SRCAP: variants seen among roughly 807,000 people sequenced by gnomAD.
The protein encoded by SRCAP is Snf2 related CREBBP activator protein, also known as chromatin remodeling protein SRCAP.
Under a neutral mutation model 263.1 loss-of-function variants are expected in SRCAP, and 46 were observed. That is an observed-to-expected ratio of 0.17 (90% CI 0.14 to 0.22). The LOEUF (loss-of-function observed/expected upper bound fraction) is 0.22, where lower values mean the gene tolerates loss of function less well. SRCAP is among the 10% of genes least tolerant of loss of function. The probability of loss-of-function intolerance (pLI) is 1.00; values close to 1 mark genes in which losing one functional copy is unlikely to be tolerated. For synonymous variants in SRCAP, 1,813 were observed against 1,662.1 expected, an observed-to-expected ratio of 1.09 and a Z score of -2.21; for missense variants, 3,695 against 4,181.9, an observed-to-expected ratio of 0.88 and a Z score of 3.21.
chr16:30,700,841 C>T lies in SRCAP; in HGVS notation c.17C>T (p.Ser6Phe). MQSSPSPAHPQLPVLQ... is the reference protein window; with the variant it reads MQSSPFPAHPQLPVLQ... ...AGTGGGACCATGCAGAGCAGCCCCT[C>T]CCCTGCTCACCCTCAGCTCCCAGTC... The change falls in exon 3 of 34, where the codon TCC (serine) becomes TTC (phenylalanine). Residue 6 changes from serine (S) to phenylalanine (F), a missense_variant. Physicochemically the swap from Ser to Phe is radical, Grantham distance 155. This residue lies in a region of SRCAP where 122 missense variants were observed against 116.9 expected (regional missense o/e 1.04). Transcript: ENST00000262518. 2 of 1,614,166 alleles carry T rather than the reference C, an allele frequency of 1.2e-6. No individual in the cohort carries two copies. Among genetic ancestry groups the T allele is most frequent in the Non-Finnish European group, 8.5e-7 (1 of 1,179,990 alleles).
Position 30,729,589 on chromosome 16 carries a change from G to T in SRCAP, c.6127+17G>T. 4.3e-6 allele frequency: 7 copies of T among 1,613,322 alleles called. No homozygotes were observed. Among genetic ancestry groups the T allele is most frequent in the Non-Finnish European group, 5.9e-6 (7 of 1,179,308 alleles). On this transcript the variant is annotated intron_variant, in intron 27 of 33. Coordinates refer to ENST00000262518, the MANE Select transcript of SRCAP (RefSeq NM_006662.3). Reference sequence around the variant, plus strand: ...ATGATTGCGGTGAGTTTGTTGGCCAGTGTAGGACCCTTGACTTCTCTTCTT... The same window carrying T: ...ATGATTGCGGTGAGTTTGTTGGCCATTGTAGGACCCTTGACTTCTCTTCTT...
At chr16:30,736,430 C>G in intron 32 of SRCAP, 36 bp downstream of exon 32, 1 of 1,603,972 alleles carries the variant, frequency 6.2e-7, no homozygotes, top group Non-Finnish European at 8.5e-7. Context: ...GACTTTACTG[C>G]TTCCCCTGGG....
Position 30,712,299 on chromosome 16 carries a change from T to C in SRCAP, c.1853T>C (p.Leu618Pro). Residue 618 changes from leucine to proline, a missense_variant, in exon 13 of 34, where the codon CTC becomes CCC. This residue lies in a region of SRCAP where 121 missense variants were observed against 330.7 expected (regional missense o/e 0.37). Coordinates refer to ENST00000262518, the MANE Select transcript of SRCAP (RefSeq NM_006662.3). Reference sequence around the variant, plus strand: ...ATTCCCCTGCTTCTGCGGGGCCAGCTCCGGGAGTACCAGCACATTGGGCTA... The same window carrying C: ...ATTCCCCTGCTTCTGCGGGGCCAGCCCCGGGAGTACCAGCACATTGGGCTA... Reference protein sequence around the residue: ...TPIPLLLRGQLREYQHIGLDW... With the variant: ...TPIPLLLRGQPREYQHIGLDW... 1 of 1,605,514 alleles carries C rather than the reference T, an allele frequency of 6.2e-7. No homozygotes were observed. The highest frequency in any genetic ancestry group is 8.5e-7 in the Non-Finnish European group (1 of 1,176,394).
intron 3 of SRCAP, among the ~76,000 whole-genome samples, chr16:30,702,128 G>T (rs978590750): frequency 4.0e-5 from 6 of 149,380 alleles, no homozygotes; most frequent in African/African-American, 1.5e-4. Context: ...TAATTTTTGT[G>T]TTTTTAGTAG....
intron 5 of SRCAP, 78 bp from the exon 6 acceptor site, chr16:30,707,494 G>T (rs2052840759): frequency 6.2e-7 from 1 of 1,605,394 alleles, no homozygotes; most frequent in East Asian, 2.2e-5. Flanking sequence ...CAGATTTCTT[G>T]GCCTTGATTA....
At position 30,734,624 on chromosome 16, in the gene SRCAP, A is replaced by G. The variant is rs936176790; in HGVS notation, c.6729+9A>G. The G allele has an allele frequency of 6.2e-7, 1 of 1,614,010 alleles. No individual in the cohort carries two copies. The highest frequency in any genetic ancestry group is 8.5e-7 in the Non-Finnish European group (1 of 1,179,930). On this transcript the variant is annotated intron_variant, in intron 31 of 33. Coordinates refer to ENST00000262518, the MANE Select transcript of SRCAP (RefSeq NM_006662.3). Reference sequence around the variant, plus strand: ...CTCATATTCTGGAGCAGGTAAAAAAAGAGTGGGCAGTTCGTAAAGTTGAGC... The same window carrying G: ...CTCATATTCTGGAGCAGGTAAAAAAGGAGTGGGCAGTTCGTAAAGTTGAGC...
intron 3 of SRCAP, among the ~76,000 whole-genome samples, chr16:30,702,908 AC>A (rs2052784672): frequency 6.6e-6 from 1 of 151,858 alleles, no homozygotes; most frequent in Non-Finnish European, 1.5e-5. Context: ...CTTTTGCAGT[AC>A]CTTGTAAAGT....
At chr16:30,723,335 C>T (rs1278271088) in intron 24 of SRCAP, 106 bp downstream of exon 24, 1 of 1,473,634 alleles carries the variant, frequency 6.8e-7, no homozygotes, top group Non-Finnish European at 9.0e-7. Context: ...TATCAGCGTA[C>T]TGCCTTGATT....
At position 30,709,709 on chromosome 16, in the gene SRCAP, C is replaced by A; in HGVS notation, c.830C>A (p.Pro277His). 6.2e-7 allele frequency: 1 copy of A among 1,614,194 alleles called. No individual in the cohort carries two copies. Among genetic ancestry groups the A allele is most frequent in the Non-Finnish European group, 8.5e-7 (1 of 1,180,048 alleles). Residue 277 changes from proline to histidine, a missense_variant, in exon 7 of 34, where the codon CCC becomes CAC. By Grantham distance (77) the Pro-to-His change is moderately conservative (BLOSUM62 -2). Transcript: ENST00000262518. ...TCCTCAGCTGCCTCCAGTCCTCCAC[C>A]CCCTGCTTCTCGCCTGGATGATGAA... The part of the protein sequence containing the change: ...GSSSAASSPP[P>H]PASRLDDEDG...
At chr16:30,716,520 G>A (rs372945522) in intron 18 of SRCAP, 41 bp downstream of exon 18, 1 of 1,557,512 alleles carries the variant, frequency 6.4e-7, no homozygotes. Flanking sequence ...AAGGTTATCG[G>A]CATTACTCCA....
intron 33 of SRCAP, 23 bp from the exon 34 acceptor site, chr16:30,737,026 A>T: frequency 6.4e-7 from 1 of 1,550,390 alleles, no homozygotes; most frequent in Non-Finnish European, 8.7e-7. Context: ...CCTCCTGACC[A>T]CTTTTGGACC....
Position 30,724,796 on chromosome 16 carries a change from G to T in SRCAP, c.5372G>T (p.Ser1791Ile), listed in dbSNP as rs774801663. ...GCTTCAGTGCAGACACTGACCTTGA[G>T]CCCTGCCCCAGTTCCTACCCTGGGC... is the stretch of plus-strand genomic sequence containing the variant. The part of the protein sequence containing the change: ...APASVQTLTL[S>I]PAPVPTLGPA... Residue 1791 changes from serine (S) to isoleucine (I), a missense_variant, in exon 25 of 34, where the codon AGC becomes ATC. Around this residue, in one of 12 missense-constraint regions of SRCAP, gnomAD observed 1,347 missense variants for 1,304.4 expected, o/e 1.03. Coordinates refer to ENST00000262518, the MANE Select transcript of SRCAP (RefSeq NM_006662.3). 6.2e-7 allele frequency: 1 copy of T among 1,613,472 alleles called. No homozygotes were observed. Among genetic ancestry groups the T allele is most frequent in the Non-Finnish European group, 8.5e-7 (1 of 1,179,668 alleles).
At chr16:30,730,502 G>A (rs2053103646) in intron 27 of SRCAP, among the ~76,000 whole-genome samples, 1 of 152,006 alleles carries the variant, frequency 6.6e-6, no homozygotes, top group Non-Finnish European at 1.5e-5. Context: ...CTCGATCTCG[G>A]CTCACTGCAA....
rs1200561388 is a variant in SRCAP, at chr16:30,733,742, T to C, written c.6438T>C (p.Ala2146=). The change falls in exon 29 of 34, where the codon GCT becomes GCC. Residue 2146 remains alanine (A), a synonymous_variant. Coordinates refer to ENST00000262518, the MANE Select transcript of SRCAP (RefSeq NM_006662.3). This position sits in a 1 kb window ranked among gnomAD's most constrained non-coding sequence, Gnocchi z 5.3. ...GCGACTGGAATCCCACCATGGATGC[T>C]CAGGCCCAGGACCGCTGTCACCGAA... The part of the protein sequence containing the change: ...YDSDWNPTMD[A]QAQDRCHRIG... The C allele has an allele frequency of 3.1e-6, 5 of 1,614,202 alleles. No individual in the cohort carries two copies. The South Asian group carries it at 3.3e-5, about 11-fold the overall frequency.
chr16:30,722,911 T>C (rs1452037962), intron 23 of SRCAP, 52 bp from the exon 24 acceptor site: 2 of 1,565,154 alleles, frequency 1.3e-6, no homozygotes. Flanking sequence ...TTCCATTCTT[T>C]GGGTCTTTTG....
rs745558501 is a variant in SRCAP at position 30,738,331 on chromosome 16, TGCGGCG to T, written c.8300_8305del (p.Arg2767_Arg2768del). 3 of 1,580,602 alleles carry T rather than the reference TGCGGCG, an allele frequency of 1.9e-6. No individual in the cohort carries two copies. The highest frequency in any genetic ancestry group is 1.2e-5 in the South Asian group (1 of 86,048). On this transcript the variant is annotated inframe_deletion, in exon 34 of 34. Coordinates refer to ENST00000262518, the MANE Select transcript of SRCAP (RefSeq NM_006662.3). The stretch of plus-strand genomic sequence containing the variant: ...ACTGTGGTAGAGGAAAAGGAACTGG[TGCGGCG>T]GCGGCGGCAGCAGCGGGGAGCTGCC...
intron 18 of SRCAP, among the ~76,000 whole-genome samples, chr16:30,718,451 A>T (rs1261560152): frequency 6.7e-6 from 1 of 150,150 alleles, no homozygotes. Context: ...TGCTGGGATT[A>T]CAGGTGTGAG....
At position 30,703,638 on chromosome 16, in the gene SRCAP, T is replaced by G. The variant is rs2052793802; in HGVS notation, c.55-426T>G. ...AAGGCCGGGCGTGGTGGCTCACGCCTGTAATCCCAGCACTTTGGGAGGCTG... is the reference window on the plus strand; with the variant it reads ...AAGGCCGGGCGTGGTGGCTCACGCCGGTAATCCCAGCACTTTGGGAGGCTG... On this transcript the variant is annotated intron_variant, in intron 3 of 33. Coordinates refer to ENST00000262518, the MANE Select transcript of SRCAP (RefSeq NM_006662.3). 2.0e-5 allele frequency among the ~76,000 whole-genome samples: 3 copies of G among 151,902 alleles called. No individual in the cohort carries two copies. In the South Asian group the frequency reaches 6.2e-4, roughly 32 times the overall value.
At chr16:30,699,658 T>C (rs2052743628) in intron 1 of SRCAP, among the ~76,000 whole-genome samples, 1 of 152,066 alleles carries the variant, frequency 6.6e-6, no homozygotes, top group African/African-American at 2.4e-5. Context: ...TTTTTTTTTG[T>C]CTTCCATTCT....
Sources: allele counts gnomAD v4.1 joint callset (sites outside exome capture counted in the v4.1 genomes callset), GRCh38; gene constraint gnomAD v4.1.1; regional missense constraint gnomAD v4.1.1; non-coding constraint Gnocchi (gnomAD v3.1); transcripts MANE v1.5; gene names NCBI Gene and HGNC (gene_info 2026-07-23, HGNC 2026-07-21).